The following SCN8A variants were observed in gnomAD, a reference collection of about 807,000 sequenced individuals.
SCN8A encodes the protein sodium channel protein type 8 subunit alpha.
Under a neutral mutation model 184.1 loss-of-function variants are expected in SCN8A, and 30 were observed. That is an observed-to-expected ratio of 0.16 (90% CI 0.12 to 0.22). SCN8A has a LOEUF of 0.22. Ranked by LOEUF, SCN8A falls within the 10% of genes least tolerant of loss-of-function variation. SCN8A has a pLI of 1.00. For synonymous variants in SCN8A, 852 were observed against 907.0 expected (o/e 0.94, Z 1.09); for missense variants, 1,057 against 2,498.9 (o/e 0.42, Z 12.30).
intron 13 of SCN8A, among the ~76,000 whole-genome samples, chr12:51,750,172 C>T (rs1016377291): frequency 6.6e-6 from 1 of 152,130 alleles, no homozygotes; most frequent in Non-Finnish European, 1.5e-5. Context: ...GTATCAGAGT[C>T]CTGGGATTCT....
intron 10 of SCN8A, 47 bp from the exon 11 acceptor site, chr12:51,706,375 C>A: frequency 6.8e-7 from 1 of 1,479,932 alleles, no homozygotes; most frequent in South Asian, 1.5e-5. Context: ...TGGGTGGCTC[C>A]AGTTAATTGC....
chr12:51,606,274 G>A (rs545509640), intron 1 of SCN8A, among the ~76,000 whole-genome samples: 5 of 152,230 alleles, frequency 3.3e-5, no homozygotes, highest in African/African-American at 1.2e-4. Flanking sequence ...TATAAGGTGA[G>A]AGATGAGGAT....
intron 26 of SCN8A, among the ~76,000 whole-genome samples, chr12:51,803,682 G>T (rs1938616997): frequency 6.6e-6 from 1 of 151,940 alleles, no homozygotes; most frequent in South Asian, 2.1e-4. Flanking sequence ...ACCATATATG[G>T]GCTGCAAGTA....
At chr12:51,606,990 C>G (rs530945561) in intron 1 of SCN8A, among the ~76,000 whole-genome samples, 1 of 151,802 alleles carries the variant, frequency 6.6e-6, no homozygotes. Context: ...CTCTGCCTCC[C>G]GGGCTCAAGC....
intron 1 of SCN8A, among the ~76,000 whole-genome samples, chr12:51,596,754 C>T (rs1332803378): frequency 6.6e-6 from 1 of 152,146 alleles, no homozygotes. Flanking sequence ...CCTTCTGTGG[C>T]TATCCTAGCT....
chr12:51,650,361 A>G (rs1318672887), intron 1 of SCN8A, among the ~76,000 whole-genome samples: 2 of 152,114 alleles, frequency 1.3e-5, no homozygotes, highest in Admixed American at 1.3e-4. Context: ...GCCCCACTCT[A>G]CTGGTGCCAA....
At chr12:51,708,912 A>C (rs991844070) in intron 11 of SCN8A, among the ~76,000 whole-genome samples, 1 of 152,210 alleles carries the variant, frequency 6.6e-6, no homozygotes, top group Non-Finnish European at 1.5e-5. Flanking sequence ...TTAAAACATC[A>C]TCCCTACCCT....
intron 20 of SCN8A, among the ~76,000 whole-genome samples, chr12:51,776,302 G>A (rs1362377828): frequency 2.0e-5 from 3 of 152,140 alleles, no homozygotes; most frequent in South Asian, 2.1e-4. Context: ...ATGGCTATAC[G>A]CAAGGTGGAA....
intron 6 of SCN8A, among the ~76,000 whole-genome samples, chr12:51,698,243 A>T (rs1230156170): frequency 6.6e-6 from 1 of 152,200 alleles, no homozygotes; most frequent in African/African-American, 2.4e-5. Flanking sequence ...TAAAGATGAA[A>T]AAACAGATTC....
chr12:51,775,302 TACCTCTGGGATCCAGGA>T (rs1245385969), intron 20 of SCN8A, among the ~76,000 whole-genome samples: 1 of 152,146 alleles, frequency 6.6e-6, no homozygotes, highest in African/African-American at 2.4e-5. Flanking sequence ...ACCTGTAGAG[TACCTCTGGGATCCAGGA>T]TAGAGCAGCA....
rs181222594 is a variant in SCN8A at position 51,778,063 on chromosome 12, T to C, written c.3820-2586T>C. Among the ~76,000 whole-genome samples the C allele has an allele frequency of 2.6e-4, 40 of 152,316 alleles. No individual in the cohort carries two copies. In the East Asian group the frequency reaches 7.5e-3, roughly 29 times the overall value. On this transcript the variant is annotated intron_variant, in intron 20 of 26. Transcript: ENST00000627620. Reference sequence around the variant, plus strand: ...GGATAGATGGAGAGAAAGGGATTAGTTGGTGCTACTATGTTCTAGATAGGG... The same window carrying C: ...GGATAGATGGAGAGAAAGGGATTAGCTGGTGCTACTATGTTCTAGATAGGG...
At chr12:51,659,655 G>A (rs950164873) in intron 1 of SCN8A, among the ~76,000 whole-genome samples, 1 of 152,144 alleles carries the variant, frequency 6.6e-6, no homozygotes, top group Admixed American at 6.6e-5. Context: ...GATTTTTAGG[G>A]AAATGGATCC....
intron 14 of SCN8A, among the ~76,000 whole-genome samples, chr12:51,753,754 T>A (rs1304603056): frequency 6.6e-6 from 1 of 152,192 alleles, no homozygotes; most frequent in Non-Finnish European, 1.5e-5. Context: ...AATGAGAACC[T>A]ATATGGAAGT....
At chr12:51,676,932 C>T (rs1326027008) in intron 2 of SCN8A, among the ~76,000 whole-genome samples, 2 of 152,106 alleles carry the variant, frequency 1.3e-5, no homozygotes, top group East Asian at 3.9e-4. Flanking sequence ...TGTTTCACAG[C>T]AAACCAGGGA....
intron 25 of SCN8A, 64 bp from the exon 26 acceptor site, chr12:51,794,307 T>C: frequency 6.6e-7 from 1 of 1,524,894 alleles, no homozygotes; most frequent in Non-Finnish European, 8.9e-7. Flanking sequence ...GGGTGACAGC[T>C]TCCATAGGTT....
At chr12:51,664,596 C>T (rs772233532) in intron 2 of SCN8A, among the ~76,000 whole-genome samples, 3 of 152,200 alleles carry the variant, frequency 2.0e-5, no homozygotes, top group Non-Finnish European at 4.4e-5. Context: ...AAAAAACCTT[C>T]TCAAAACTAG....
At chr12:51,726,246 G>T (rs1247966419) in intron 12 of SCN8A, among the ~76,000 whole-genome samples, 1 of 152,204 alleles carries the variant, frequency 6.6e-6, no homozygotes, top group Non-Finnish European at 1.5e-5. Context: ...TGGGAAAGTA[G>T]GTGAGAATCA....
At chr12:51,697,942 C>T (rs1941622890) in intron 6 of SCN8A, among the ~76,000 whole-genome samples, 1 of 152,180 alleles carries the variant, frequency 6.6e-6, no homozygotes, top group South Asian at 2.1e-4. Flanking sequence ...TCCACCCCCG[C>T]ACCGGGTTCA....
At chr12:51,611,718 T>G (rs1228821808) in intron 1 of SCN8A, among the ~76,000 whole-genome samples, 1 of 151,966 alleles carries the variant, frequency 6.6e-6, no homozygotes, top group African/African-American at 2.4e-5. Flanking sequence ...GGTCTCGAAC[T>G]CCCTGACCTC....
Sources: gnomAD v4.1 joint callset for allele counts (sites outside exome capture counted in the v4.1 genomes callset) on GRCh38, gnomAD v4.1.1 for gene constraint, MANE v1.5 for transcripts, NCBI Gene and HGNC (gene_info 2026-07-23, HGNC 2026-07-21) for gene names.